Variants in PHF3 observed in about 807,000 individuals in gnomAD.
The protein encoded by PHF3 is PHD finger protein 3.
Under a neutral mutation model 178.4 loss-of-function variants are expected in PHF3, and 41 were observed. The ratio of observed to expected loss-of-function variants is 0.23; its 90% CI spans 0.18 to 0.30. PHF3 has a LOEUF of 0.30. PHF3 is among the 10% of genes least tolerant of loss of function. PHF3 has a pLI of 1.00. For missense variants in PHF3, 2,346 were observed against 2,398.1 expected, an observed-to-expected ratio of 0.98 and a Z score of 0.45; for synonymous variants, 842 against 800.5, an observed-to-expected ratio of 1.05 and a Z score of -0.88.
At chr6:63,668,744 C>T (rs763704810) in intron 2 of PHF3, among the ~76,000 whole-genome samples, 1 of 152,080 alleles carries the variant, frequency 6.6e-6, no homozygotes, top group Non-Finnish European at 1.5e-5. Flanking sequence ...ACCCAATCAC[C>T]TCACAATGTA....
Position 63,712,729 on chromosome 6 carries a change from A to T in PHF3, c.5141A>T (p.Asp1714Val). The change falls in exon 16 of 16, where the codon GAC (aspartate) becomes GTC (valine). Residue 1714 changes from aspartate (D) to valine (V), a missense_variant. Physicochemically the swap from Asp to Val is radical, Grantham distance 152 (BLOSUM62 -3). Coordinates refer to ENST00000262043, the MANE Select transcript of PHF3 (RefSeq NM_001370348.2). ...AEKNSCVQQSDNLKVAQNSPS... is the reference protein window; with the variant it reads ...AEKNSCVQQSVNLKVAQNSPS... ...AAAAACTCGTGTGTTCAGCAGAGTG[A>T]CAATTTAAAAGTTGCACAAAACTCA... 1 of 1,613,968 alleles carries T rather than the reference A, an allele frequency of 6.2e-7. No individual in the cohort carries two copies. Among genetic ancestry groups the T allele is most frequent in the South Asian group, 1.1e-5 (1 of 91,078 alleles).
At chr6:63,675,659 G>A (rs1766133296) in intron 2 of PHF3, among the ~76,000 whole-genome samples, 1 of 152,200 alleles carries the variant, frequency 6.6e-6, no homozygotes, top group Non-Finnish European at 1.5e-5. Context: ...TTACCTTTGA[G>A]AAACATCTCA....
chr6:63,657,030 G>A (rs1055890421), intron 2 of PHF3, among the ~76,000 whole-genome samples: 1 of 152,052 alleles, frequency 6.6e-6, no homozygotes, highest in African/African-American at 2.4e-5. Flanking sequence ...TTTTCAATTT[G>A]GAGTGTGTTC....
intron 9 of PHF3, among the ~76,000 whole-genome samples, chr6:63,700,900 C>A (rs1767447493): frequency 6.6e-6 from 1 of 152,144 alleles, no homozygotes; most frequent in Non-Finnish European, 1.5e-5. Flanking sequence ...ACTTGTTCTC[C>A]ATTCCTCTAG....
In PHF3 at chr6:63,722,507, T is replaced by C. The variant is rs1054845869; in HGVS notation, c.*8799T>C. Among the ~76,000 whole-genome samples, 7 of 152,172 alleles carry C rather than the reference T, an allele frequency of 4.6e-5. No homozygotes were observed. The highest frequency in any genetic ancestry group is 1.7e-4 in the African/African-American group (7 of 41,456). ...AAATAGGAACAAATACCATCCAGCA[T>C]CTGAAGTTGCAATGAGGCATTCAGA... is the stretch of plus-strand genomic sequence containing the variant. On this transcript the variant is annotated 3_prime_UTR_variant, in exon 16 of 16. Transcript: ENST00000262043.
chr6:63,685,564 A>G lies in PHF3; in HGVS notation c.1842A>G (p.Ala614=), dbSNP rs1306175110. ...GCTTGAAAGAACCTCATCATCCTGC[A>G]CAAACTGGACATGTATCACATTCTA... ...PGCLKEPHHP[A]QTGHVSHSSQ... Residue 614 remains alanine (A), a synonymous_variant, in exon 4 of 16, where the codon GCA becomes GCG. Coordinates refer to ENST00000262043, the MANE Select transcript of PHF3 (RefSeq NM_001370348.2). The G allele has an allele frequency of 2.5e-6, 4 of 1,614,154 alleles. No homozygotes were observed. Among genetic ancestry groups the G allele is most frequent in the Non-Finnish European group, 2.5e-6 (3 of 1,180,022 alleles).
At position 63,678,440 on chromosome 6, in the gene PHF3, A is replaced by G. The variant is rs115043325; in HGVS notation, c.245-1560A>G. On this transcript the variant is annotated intron_variant, in intron 2 of 15. Coordinates refer to ENST00000262043, the MANE Select transcript of PHF3 (RefSeq NM_001370348.2). ...TTTAGCGCATAGCATAATGGTTAAA[A>G]GCGTGGGCTCTATTTTTACTTTTAT... 9.5e-3 allele frequency among the ~76,000 whole-genome samples: 1,440 copies of G among 152,278 alleles called. 13 individuals carry two copies. The highest frequency in any genetic ancestry group is 0.015 in the Non-Finnish European group (1,014 of 68,004).
chr6:63,670,424 G>A (rs1329131221), intron 2 of PHF3, among the ~76,000 whole-genome samples: 2 of 151,796 alleles, frequency 1.3e-5, no homozygotes, highest in South Asian at 2.1e-4. Context: ...GCCTGCCACC[G>A]TGCCTGGCTA....
rs181368118 is a variant in PHF3, at chr6:63,713,739, A to C, written c.*31A>C. The C allele has an allele frequency of 1.3e-4, 194 of 1,468,116 alleles. 3 individuals are homozygous for C. In the Admixed American group the frequency reaches 4.4e-3, roughly 33 times the overall value. 90.9% of individuals were successfully genotyped at this position (1,468,116 alleles called of 1,614,324 possible). On this transcript the variant is annotated 3_prime_UTR_variant, in exon 16 of 16. Transcript: ENST00000262043. ...GCAGGCTGCTTCAGGATTACATTTA[A>C]ATAACTGTTAAAATGTTGTATCTTG...
At chr6:63,693,621 G>C (rs991376719) in intron 5 of PHF3, among the ~76,000 whole-genome samples, 17 of 152,126 alleles carry the variant, frequency 1.1e-4, no homozygotes, top group African/African-American at 4.1e-4. Context: ...ATAAATAAAT[G>C]AAAAGACATC....
chr6:63,646,876 CTTTTTTTCT>C, intron 2 of PHF3, 81 bp downstream of exon 2: 5 of 773,294 alleles, frequency 6.5e-6, no homozygotes, highest in South Asian at 5.3e-5. Context: ...TTTCTTTTTT[CTTTTTTTCT>C]TTTTTTTTTT....
chr6:63,707,847 G>GTTTGTT (rs781937312), intron 13 of PHF3, among the ~76,000 whole-genome samples: 126,737 of 147,918 alleles, frequency 0.86, 54,499 homozygotes, highest in South Asian at 0.91. Flanking sequence ...GCAGTTGTGG[G>GTTTGTT]TTTGTTTTTG....
intron 2 of PHF3, among the ~76,000 whole-genome samples, chr6:63,670,671 G>T (rs956063702): frequency 1.3e-5 from 2 of 152,170 alleles, no homozygotes; most frequent in Non-Finnish European, 2.9e-5. Context: ...CATCTGTTGA[G>T]ATAGAGCCAT....
chr6:63,720,763 AG>A lies in PHF3; in HGVS notation c.*7056del. 1 of 1,550,600 alleles carries A rather than the reference AG, an allele frequency of 6.4e-7. No individual in the cohort carries two copies. Among genetic ancestry groups the A allele is most frequent in the Non-Finnish European group, 8.7e-7 (1 of 1,146,394 alleles). Reference sequence around the variant, plus strand: ...ATATTTACCTTTCTACCATATTCAAAGCCCCCTAGATAACAAATGCCATCAT... The same window carrying A: ...ATATTTACCTTTCTACCATATTCAAACCCCCTAGATAACAAATGCCATCAT... On this transcript the variant is annotated 3_prime_UTR_variant, in exon 16 of 16. Transcript: ENST00000262043.
chr6:63,665,750 A>G (rs959889339), intron 2 of PHF3, among the ~76,000 whole-genome samples: 2 of 152,050 alleles, frequency 1.3e-5, no homozygotes, highest in South Asian at 2.1e-4. Context: ...CAGCCTCCCA[A>G]AGTGCTAGGA....
Position 63,700,347 on chromosome 6 carries a change from C to A in PHF3, c.2983-3C>A, listed in dbSNP as rs761082951. 2.8e-6 allele frequency: 4 copies of A among 1,407,550 alleles called. No individual in the cohort carries two copies. The South Asian group carries it at 3.7e-5, about 13-fold the overall frequency. 87.2% of individuals were successfully genotyped at this position (1,407,550 alleles called of 1,614,324 possible). A position where few individuals can be genotyped will look rare whatever the true frequency, so the allele number is the denominator to read the frequency against. ...TTCTATTCCTATTTTAAAATCCTTC[C>A]AGATATTATTTAAAAAAGTACTGAA... On this transcript the variant is annotated splice_polypyrimidine_tract_variant and splice_region_variant and intron_variant, in intron 8 of 15. Coordinates refer to ENST00000262043, the MANE Select transcript of PHF3 (RefSeq NM_001370348.2).
At position 63,684,693 on chromosome 6, in the gene PHF3, A is replaced by G; in HGVS notation, c.971A>G (p.Glu324Gly). 6.2e-7 allele frequency: 1 copy of G among 1,613,786 alleles called. No individual in the cohort carries two copies. Among genetic ancestry groups the G allele is most frequent in the Non-Finnish European group, 8.5e-7 (1 of 1,179,808 alleles). Residue 324 changes from glutamate (E) to glycine (G), a missense_variant, in exon 4 of 16, where the codon GAG (glutamate) becomes GGG (glycine). Coordinates refer to ENST00000262043, the MANE Select transcript of PHF3 (RefSeq NM_001370348.2). ...AGAAAAGTTGAACAAGATTCAAAGG[A>G]GACAGTAAAATTATCCCATGAAGAT... ...ATRKVEQDSK[E>G]TVKLSHEDDH...
rs551348157 is a variant in PHF3, at chr6:63,636,014, G to T, written c.-162G>T. On this transcript the variant is annotated 5_prime_UTR_variant, in exon 1 of 16. Coordinates refer to ENST00000262043, the MANE Select transcript of PHF3 (RefSeq NM_001370348.2). Reference sequence around the variant, plus strand: ...TTTGGTCCCAGGAGGAAAAGAGGCTGTGGCAGCGACGCCGACGTCCTGCGC... The same window carrying T: ...TTTGGTCCCAGGAGGAAAAGAGGCTTTGGCAGCGACGCCGACGTCCTGCGC... 11 of 397,458 alleles carry T rather than the reference G, an allele frequency of 2.8e-5. No homozygotes were observed. The Admixed American group carries it at 4.4e-4, about 16-fold the overall frequency. 24.6% of individuals were successfully genotyped at this position (397,458 alleles called of 1,614,324 possible).
In PHF3 at chr6:63,706,177, G is replaced by C. The variant is rs1052067930; in HGVS notation, c.3516G>C (p.Glu1172Asp). 2 of 1,613,908 alleles carry C rather than the reference G, an allele frequency of 1.2e-6. No homozygotes were observed. The highest frequency in any genetic ancestry group is 1.7e-6 in the Non-Finnish European group (2 of 1,179,898). ...ATATTTTGGCTTCTGAATTCTTTGAGGAGGAGAAACAGGAGTCTCCAAAGT... is the reference window on the plus strand; with the variant it reads ...ATATTTTGGCTTCTGAATTCTTTGACGAGGAGAAACAGGAGTCTCCAAAGT... Reference protein sequence around the residue: ...TSNILASEFFEEEKQESPKST... With the variant: ...TSNILASEFFDEEKQESPKST... Residue 1172 changes from glutamate to aspartate, a missense_variant, in exon 12 of 16, where the codon GAG becomes GAC. Around this residue, in one of 8 missense-constraint regions of PHF3, gnomAD observed 205 missense variants for 212.4 expected, o/e 0.97. Coordinates refer to ENST00000262043, the MANE Select transcript of PHF3 (RefSeq NM_001370348.2).
Sources: allele counts gnomAD v4.1 joint callset (sites outside exome capture counted in the v4.1 genomes callset), GRCh38; gene constraint gnomAD v4.1.1; regional missense constraint gnomAD v4.1.1; transcripts MANE v1.5; gene names NCBI Gene and HGNC (gene_info 2026-07-23, HGNC 2026-07-21).